Variants in DCAF8L2 observed in about 807,000 individuals in gnomAD.
DCAF8L2 encodes the protein DDB1- and CUL4-associated factor 8-like protein 2.
For synonymous variants in DCAF8L2, 200 were observed against 190.9 expected (o/e 1.05, Z -0.39); for missense variants, 430 against 490.7 (o/e 0.88, Z 1.17).
At chrX:27,629,127 G>T (rs1014422899) in intron 1 of DCAF8L2, among the ~76,000 whole-genome samples, 1 of 111,585 alleles carries the variant, frequency 9.0e-6, no homozygotes, top group Non-Finnish European at 1.9e-5. Context: ...TTAATCCCTT[G>T]TCAGATATAC....
the DCAF8L2 span, among the ~76,000 whole-genome samples, chrX:27,558,260 G>T: frequency 1.8e-5 from 2 of 112,004 alleles, no homozygotes; most frequent in African/African-American, 6.5e-5. Context: ...TGTAGAAGCA[G>T]CCTTACTTCC....
chrX:27,512,639 A>G, the DCAF8L2 span, among the ~76,000 whole-genome samples: 1 of 104,777 alleles, frequency 9.5e-6, no homozygotes, highest in African/African-American at 3.5e-5. Context: ...AGCCGAGATA[A>G]TGCCACTGCA....
At chrX:27,583,454 G>A in the DCAF8L2 span, among the ~76,000 whole-genome samples, 1 of 111,002 alleles carries the variant, frequency 9.0e-6, no homozygotes, top group African/African-American at 3.3e-5. Context: ...TTAAGCTGTT[G>A]TTTCTTTACC....
At position 27,675,060 on chromosome X, in the gene DCAF8L2, T is replaced by A. The variant is rs775684161; in HGVS notation, c.-219-2776T>A. Among the ~76,000 whole-genome samples the A allele has an allele frequency of 3.6e-4, 40 of 112,201 alleles. 1 individual carries two copies. The highest frequency in any genetic ancestry group is 3.7e-4 in the South Asian group (1 of 2,716). On this transcript the variant is annotated intron_variant, in intron 2 of 4. Transcript: ENST00000451261. ...TTGTTCCAAGTAATTTTTTTTATCA[T>A]TTAAAGTCAAACTCTAAAAATGTGA...
chrX:27,705,511 T>C (rs1161391622), intron 3 of DCAF8L2, among the ~76,000 whole-genome samples: 2 of 110,129 alleles, frequency 1.8e-5, no homozygotes, highest in Non-Finnish European at 3.8e-5. Flanking sequence ...TTGTATCTTA[T>C]TGTGGTTTTG....
the DCAF8L2 span, among the ~76,000 whole-genome samples, chrX:27,500,200 A>G: frequency 8.9e-6 from 1 of 111,833 alleles, no homozygotes; most frequent in African/African-American, 3.2e-5. Context: ...TACAAATTTT[A>G]ATTAAAATAG....
chrX:27,475,067 T>G, the DCAF8L2 span, among the ~76,000 whole-genome samples: 1 of 111,664 alleles, frequency 9.0e-6, no homozygotes. Flanking sequence ...CACTTCTCAG[T>G]GTCTTATTTT....
intron 1 of DCAF8L2, among the ~76,000 whole-genome samples, chrX:27,607,626 C>T (rs1926968520): frequency 8.9e-6 from 1 of 111,794 alleles, no homozygotes; most frequent in Admixed American, 9.5e-5. Flanking sequence ...CAAGATTCAG[C>T]ACTCTTGCTG....
At chrX:27,592,351 C>T (rs1016272056) in intron 1 of DCAF8L2, among the ~76,000 whole-genome samples, 5 of 111,550 alleles carry the variant, frequency 4.5e-5, no homozygotes, top group Non-Finnish European at 7.5e-5. Flanking sequence ...GTCAAGGGTG[C>T]TGGCCCTGCC....
At chrX:27,604,669 G>A (rs12390778) in intron 1 of DCAF8L2, among the ~76,000 whole-genome samples, 13,385 of 111,574 alleles carry the variant, frequency 0.12, 1,424 homozygotes, top group African/African-American at 0.35. Flanking sequence ...GTGTGACAAA[G>A]TGTAGAATTC....
chrX:27,580,477 G>C, the DCAF8L2 span, among the ~76,000 whole-genome samples: 1 of 111,464 alleles, frequency 9.0e-6, no homozygotes, highest in Admixed American at 9.6e-5. Flanking sequence ...AATCTTTTAA[G>C]AGACATTCAA....
the DCAF8L2 span, among the ~76,000 whole-genome samples, chrX:27,546,779 A>C: frequency 0.099 from 11,081 of 111,567 alleles, 431 homozygotes; most frequent in Non-Finnish European, 0.12. Context: ...CACAGGGCAC[A>C]ATGCCCTGAG....
the DCAF8L2 span, among the ~76,000 whole-genome samples, chrX:27,488,517 CTGTGTGTGTGTGTG>C: frequency 7.5e-5 from 6 of 80,501 alleles, no homozygotes; most frequent in African/African-American, 1.0e-4. Context: ...AAAATTACCT[CTGTGTGTGTGTGTG>C]TGTGTGTGTG....
At chrX:27,683,310 T>C (rs1930390675) in intron 3 of DCAF8L2, among the ~76,000 whole-genome samples, 1 of 112,043 alleles carries the variant, frequency 8.9e-6, no homozygotes, top group Non-Finnish European at 1.9e-5. Context: ...TCAAGTGGCA[T>C]GAAGAGGGGT....
At chrX:27,517,042 C>T in the DCAF8L2 span, among the ~76,000 whole-genome samples, 1 of 111,164 alleles carries the variant, frequency 9.0e-6, no homozygotes. Flanking sequence ...AAAAAGCCAT[C>T]AAAGGATTAC....
upstream of DCAF8L2, among the ~76,000 whole-genome samples, chrX:27,586,069 ACAGG>A (rs1020082358): frequency 4.5e-5 from 5 of 110,681 alleles, no homozygotes; most frequent in African/African-American, 1.6e-4. Flanking sequence ...TCCCCTCTCC[ACAGG>A]CCTTTGCATG....
chrX:27,714,234 G>C lies in DCAF8L2; in HGVS notation c.-142-1854G>C, dbSNP rs183607019. Among the ~76,000 whole-genome samples, 392 of 111,530 alleles carry C rather than the reference G, an allele frequency of 3.5e-3. 1 individual carries two copies. The highest frequency in any genetic ancestry group is 6.0e-3 in the Non-Finnish European group (320 of 53,013). On this transcript the variant is annotated intron_variant, in intron 3 of 4. Coordinates refer to ENST00000451261, the MANE Select transcript of DCAF8L2 (RefSeq NM_001353450.2). Reference sequence around the variant, plus strand: ...AGGAAAATGCAAAATGATTTTTAATGGTTTCTCAAATAACACTAATTCTGC... The same window carrying C: ...AGGAAAATGCAAAATGATTTTTAATCGTTTCTCAAATAACACTAATTCTGC...
the DCAF8L2 span, among the ~76,000 whole-genome samples, chrX:27,505,452 C>G: frequency 4.6e-4 from 51 of 111,778 alleles, no homozygotes; most frequent in Non-Finnish European, 2.5e-4. Context: ...AAAAGTATAC[C>G]TACTTACTGA....
At chrX:27,526,574 G>A in the DCAF8L2 span, among the ~76,000 whole-genome samples, 3 of 112,756 alleles carry the variant, frequency 2.7e-5, no homozygotes, top group Non-Finnish European at 5.6e-5. Flanking sequence ...GCGAGGAGCT[G>A]TTTTCCTTTG....
Sources: gnomAD v4.1 joint callset for allele counts (sites outside exome capture counted in the v4.1 genomes callset) on GRCh38, gnomAD v4.1.1 for gene constraint, MANE v1.5 for transcripts, NCBI Gene and HGNC (gene_info 2026-07-23, HGNC 2026-07-21) for gene names.